GRIN3A: variants seen among roughly 807,000 people sequenced by gnomAD.
GRIN3A encodes the protein glutamate ionotropic receptor NMDA type subunit 3A.
Under a neutral mutation model 92.4 loss-of-function variants are expected in GRIN3A, and 47 were observed. That is an observed-to-expected ratio of 0.51 (90% confidence interval 0.40 to 0.65). The LOEUF is 0.65. GRIN3A is among the 30% of genes least tolerant of loss of function. GRIN3A has a pLI of 0.00. For synonymous variants in GRIN3A, 527 were observed against 540.6 expected, an observed-to-expected ratio of 0.97 and a Z score of 0.35; for missense variants, 1,324 against 1,393.1, an observed-to-expected ratio of 0.95 and a Z score of 0.79.
At chr9:101,714,959 T>C (rs2119019161) in intron 1 of GRIN3A, among the ~76,000 whole-genome samples, 1 of 152,040 alleles carries the variant, frequency 6.6e-6, no homozygotes, top group East Asian at 1.9e-4. Flanking sequence ...TCTAAGTGAG[T>C]TTATTTGGGA....
At chr9:101,662,044 A>G (rs2118934426) in intron 3 of GRIN3A, among the ~76,000 whole-genome samples, 1 of 151,956 alleles carries the variant, frequency 6.6e-6, no homozygotes, top group East Asian at 1.9e-4. Flanking sequence ...GGTTACTTAT[A>G]TATACCTTGC....
intron 8 of GRIN3A, among the ~76,000 whole-genome samples, chr9:101,575,826 A>T (rs1414495223): frequency 6.6e-6 from 1 of 152,204 alleles, no homozygotes; most frequent in African/African-American, 2.4e-5. Flanking sequence ...ATAGCAGGGA[A>T]AACCTGAGAG....
chr9:101,652,462 C>G (rs1390364718), intron 3 of GRIN3A, among the ~76,000 whole-genome samples: 1 of 151,862 alleles, frequency 6.6e-6, no homozygotes, highest in African/African-American at 2.4e-5. Flanking sequence ...GTTTGAGGTA[C>G]TCTCCTGGCA....
chr9:101,648,157 T>C (rs1828964211), intron 3 of GRIN3A, among the ~76,000 whole-genome samples: 1 of 152,048 alleles, frequency 6.6e-6, no homozygotes, highest in African/African-American at 2.4e-5. Context: ...TTTGATGTGT[T>C]GTGTCTCCAT....
chr9:101,664,486 C>A (rs1342293083), intron 3 of GRIN3A, among the ~76,000 whole-genome samples: 1 of 151,880 alleles, frequency 6.6e-6, no homozygotes, highest in African/African-American at 2.4e-5. Flanking sequence ...ATAAATTATT[C>A]TAGCAAAAAG....
rs1795124185 is a variant in GRIN3A at position 101,578,248 on chromosome 9, T to TATGATTA, written c.2932-405_2932-404insTAATCAT. ...GAGAATTAAGTTAATCATATTAGCA[T>TATGATTA]ACAATAAGGAAGATCTGTGGAGTTC... On this transcript the variant is annotated intron_variant, in intron 7 of 8. Transcript: ENST00000361820. Among the ~76,000 whole-genome samples, 20 of 152,044 alleles carry TATGATTA rather than the reference T, an allele frequency of 1.3e-4. 1 individual carries two copies. The highest frequency in any genetic ancestry group is 1.0e-3 in the Admixed American group (16 of 15,272).
intron 4 of GRIN3A, 22 bp downstream of exon 4, chr9:101,628,234 G>T (rs1828661261): frequency 6.2e-7 from 1 of 1,613,030 alleles, no homozygotes; most frequent in Non-Finnish European, 8.5e-7. Flanking sequence ...TTTTTCTTTG[G>T]ATCCAAGAGG....
chr9:101,626,728 C>A (rs1326514187), intron 4 of GRIN3A, among the ~76,000 whole-genome samples: 1 of 152,206 alleles, frequency 6.6e-6, no homozygotes, highest in African/African-American at 2.4e-5. Flanking sequence ...GGAACATGGA[C>A]TATTCTGCAA....
At chr9:101,723,099 T>C (rs571827799) in intron 1 of GRIN3A, among the ~76,000 whole-genome samples, 1 of 152,320 alleles carries the variant, frequency 6.6e-6, no homozygotes, top group South Asian at 2.1e-4. Flanking sequence ...GGGGCCAGTC[T>C]TTCCCATGCT....
intron 3 of GRIN3A, among the ~76,000 whole-genome samples, chr9:101,630,241 T>C (rs1379937076): frequency 2.0e-5 from 3 of 152,172 alleles, no homozygotes; most frequent in African/African-American, 4.8e-5. Context: ...ACATATAAAA[T>C]ATGTAGGCAA....
At position 101,726,728 on chromosome 9, in the gene GRIN3A, A is replaced by C. The variant is rs1285076583; in HGVS notation, c.699+10553T>G. 2.7e-5 allele frequency among the ~76,000 whole-genome samples: 4 copies of C among 150,818 alleles called. No homozygotes were observed. The East Asian group carries it at 7.7e-4, about 29-fold the overall frequency. On this transcript the variant is annotated intron_variant, in intron 1 of 8. Transcript: ENST00000361820. ...TTTAAAATTTATGTTTTTAAAATTTATTTATTTTAAATTTAAATTTAAATT... is the reference window on the plus strand; with the variant it reads ...TTTAAAATTTATGTTTTTAAAATTTCTTTATTTTAAATTTAAATTTAAATT...
At position 101,737,714 on chromosome 9, in the gene GRIN3A, G is replaced by A. The variant is rs755617888; in HGVS notation, c.266C>T (p.Pro89Leu). The stretch of plus-strand genomic sequence containing the variant: ...CCAGCGTGCGCCCGGCGAGGGCGCC[G>A]GGGACCGCCTAGTCCCTGGCTCCGG... ...DEPEPGTRRS[P>L]APSPGARWLG... The change falls in exon 1 of 9, where the codon CCG becomes CTG. Residue 89 changes from proline to leucine, a missense_variant. By Grantham distance (98) the Pro-to-Leu change is moderately conservative. Coordinates refer to ENST00000361820, the MANE Select transcript of GRIN3A (RefSeq NM_133445.3). 16 of 1,529,982 alleles carry A rather than the reference G, an allele frequency of 1.0e-5. No individual in the cohort carries two copies. Among genetic ancestry groups the A allele is most frequent in the East Asian group, 4.9e-5 (2 of 40,886 alleles). The allele number at this position is 1,529,982 out of a possible 1,614,324, so 94.8% of individuals were successfully genotyped here.
chr9:101,573,641 C>T, intron 8 of GRIN3A, 128 bp from the exon 9 acceptor site: 1 of 767,182 alleles, frequency 1.3e-6, no homozygotes. Context: ...AGTAACAAAG[C>T]CATGGACAGA....
rs1829303376 is a variant in GRIN3A at position 101,670,552 on chromosome 9, G to A, written c.1860C>T (p.Leu620=). 2 of 1,614,002 alleles carry A rather than the reference G, an allele frequency of 1.2e-6. No homozygotes were observed. The highest frequency in any genetic ancestry group is 8.5e-7 in the Non-Finnish European group (1 of 1,179,962). ...CTGCCATGTGGGCAGTCCCTCTCAG[G>A]AGATCACCCACTAGCCCAGTCCAGT... The part of the protein sequence containing the change: ...NGHWTGLVGD[L]LRGTAHMAVT... Residue 620 remains leucine (L), a synonymous_variant, in exon 3 of 9, where the codon CTC becomes CTT. Transcript: ENST00000361820.
At chr9:101,617,222 A>AG (rs1828472641) in intron 5 of GRIN3A, among the ~76,000 whole-genome samples, 2 of 151,108 alleles carry the variant, frequency 1.3e-5, no homozygotes, top group Non-Finnish European at 2.9e-5. Context: ...AAAAAAAAAA[A>AG]AAAAGAAAAT....
chr9:101,693,686 C>T (rs1268295623), intron 1 of GRIN3A, among the ~76,000 whole-genome samples: 2 of 152,138 alleles, frequency 1.3e-5, no homozygotes, highest in African/African-American at 4.8e-5. Flanking sequence ...GAGTCTCCAG[C>T]CTGCTGCCCA....
Position 101,573,267 on chromosome 9 carries a change from C to G in GRIN3A, c.3255G>C (p.Gln1085His), listed in dbSNP as rs147490517. 1.7e-4 allele frequency: 278 copies of G among 1,613,982 alleles called. No homozygotes were observed. Among genetic ancestry groups the G allele is most frequent in the Non-Finnish European group, 2.2e-4 (265 of 1,179,988 alleles). ...VMQELSELEK[Q>H]IQVIRQELQL... is the part of the protein sequence containing the mutation. ...GCAGCTCCTGACGGATCACCTGAAT[C>G]TGCTTCTCGAGCTCTGAGAGTTCCT... Residue 1085 changes from glutamine (Q) to histidine (H), a missense_variant, in exon 9 of 9, where the codon CAG (glutamine) becomes CAC (histidine). Transcript: ENST00000361820.
chr9:101,587,462 G>T (rs1827964634), intron 6 of GRIN3A, among the ~76,000 whole-genome samples: 1 of 152,146 alleles, frequency 6.6e-6, no homozygotes, highest in Non-Finnish European at 1.5e-5. Context: ...AAATGAACGG[G>T]TGGAGCCTGT....
chr9:101,613,706 A>T (rs901675343), intron 5 of GRIN3A, among the ~76,000 whole-genome samples, 179 bp from the exon 6 acceptor site: 2 of 152,224 alleles, frequency 1.3e-5, no homozygotes, highest in African/African-American at 4.8e-5. Flanking sequence ...AATCAGCTGC[A>T]TCTCTGAGTA....
Sources: allele counts gnomAD v4.1 joint callset (sites outside exome capture counted in the v4.1 genomes callset), GRCh38; gene constraint gnomAD v4.1.1; transcripts MANE v1.5; gene names NCBI Gene and HGNC (gene_info 2026-07-23, HGNC 2026-07-21).